The following RASAL2 variants were observed in gnomAD, a reference collection of about 807,000 sequenced individuals.
RASAL2 encodes ras GTPase-activating protein nGAP.
RASAL2 carries 58 observed loss-of-function variants against 128.9 expected under a neutral mutation model. The observed-to-expected ratio is 0.45, with a 90% confidence interval of 0.36 to 0.56. The LOEUF is 0.56. Among genes scored for constraint, RASAL2 ranks in the 20% least tolerant of loss-of-function variants. The probability of loss-of-function intolerance (pLI) is 0.00; values close to 1 mark genes in which losing one functional copy is unlikely to be tolerated. For missense variants in RASAL2, 1,360 were observed against 1,601.6 expected (o/e 0.85, Z 2.57); for synonymous variants, 561 against 580.8 (o/e 0.97, Z 0.49).
intron 3 of RASAL2, among the ~76,000 whole-genome samples, chr1:178,355,845 G>A (rs952724497): frequency 5.3e-5 from 8 of 152,170 alleles, no homozygotes; most frequent in African/African-American, 1.9e-4. Flanking sequence ...TTAAAGAGGT[G>A]CTCAGCCTTA....
chr1:178,212,974 C>G (rs1663306528), intron 1 of RASAL2, among the ~76,000 whole-genome samples: 1 of 152,154 alleles, frequency 6.6e-6, no homozygotes, highest in South Asian at 2.1e-4. Context: ...CAGTCTTTCT[C>G]CAAGATGGTT....
chr1:178,372,867 G>A (rs1339985508), intron 3 of RASAL2, among the ~76,000 whole-genome samples: 2 of 152,074 alleles, frequency 1.3e-5, no homozygotes, highest in Non-Finnish European at 2.9e-5. Flanking sequence ...AAATTTCTAA[G>A]TAAAGCAATT....
intron 5 of RASAL2, among the ~76,000 whole-genome samples, chr1:178,436,378 A>G (rs1676255432): frequency 6.6e-6 from 1 of 152,132 alleles, no homozygotes; most frequent in Admixed American, 6.6e-5. Context: ...AACTAGGAAG[A>G]GTTTGGAGTT....
chr1:178,135,638 A>G (rs1250338614), intron 1 of RASAL2, among the ~76,000 whole-genome samples: 3 of 152,192 alleles, frequency 2.0e-5, no homozygotes, highest in Non-Finnish European at 2.9e-5. Flanking sequence ...AGCATTTTAC[A>G]TATACTATTG....
intron 1 of RASAL2, among the ~76,000 whole-genome samples, chr1:178,129,226 T>C (rs927976982): frequency 1.3e-5 from 2 of 152,126 alleles, no homozygotes; most frequent in African/African-American, 4.8e-5. Context: ...GGCTCTGATT[T>C]CTCCATATCC....
chr1:178,260,721 A>G (rs1051582373), intron 1 of RASAL2, among the ~76,000 whole-genome samples: 6 of 152,064 alleles, frequency 3.9e-5, no homozygotes, highest in African/African-American at 1.2e-4. Context: ...GGATTAACTG[A>G]CATGATTAAT....
chr1:178,100,414 C>T (rs368697695), intron 1 of RASAL2, among the ~76,000 whole-genome samples: 1 of 151,378 alleles, frequency 6.6e-6, no homozygotes, highest in African/African-American at 2.4e-5. Context: ...ATCCCAGCTA[C>T]TCGGGATGCT....
At chr1:178,232,605 A>T (rs1178348130) in intron 1 of RASAL2, among the ~76,000 whole-genome samples, 1 of 152,160 alleles carries the variant, frequency 6.6e-6, no homozygotes, top group East Asian at 1.9e-4. Flanking sequence ...TACACTAAAA[A>T]TGGTGTTGGC....
intron 3 of RASAL2, among the ~76,000 whole-genome samples, chr1:178,380,670 C>T (rs994945246): frequency 3.3e-5 from 5 of 152,046 alleles, no homozygotes; most frequent in African/African-American, 1.2e-4. Context: ...TTTATTCTAT[C>T]TTAATAATCC....
At chr1:178,392,974 A>G (rs1672999877) in intron 4 of RASAL2, among the ~76,000 whole-genome samples, 1 of 152,234 alleles carries the variant, frequency 6.6e-6, no homozygotes, top group Admixed American at 6.5e-5. Flanking sequence ...TTCATGTATA[A>G]TAACATTCAA....
In RASAL2 at chr1:178,458,496, G is replaced by A. The variant is rs151044549; in HGVS notation, c.3204G>A (p.Glu1068=). The A allele has an allele frequency of 2.0e-5, 33 of 1,613,774 alleles. No individual in the cohort carries two copies. In the African/African-American group the frequency reaches 3.3e-4, roughly 16 times the overall value. Residue 1068 remains glutamate, a synonymous_variant, in exon 14 of 18, where the codon GAG becomes GAA. Coordinates refer to ENST00000367649, the MANE Select transcript of RASAL2 (RefSeq NM_170692.4). Reference sequence around the variant, plus strand: ...GGCAGCAGTCCTCTTCCTCCAGAGAGAGCCCTGTTCCCAAAGTTAGAGCAA... The same window carrying A: ...GGCAGCAGTCCTCTTCCTCCAGAGAAAGCCCTGTTCCCAAAGTTAGAGCAA... The part of the protein sequence containing the change: ...RSRQQSSSSR[E]SPVPKVRAIQ...
intron 1 of RASAL2, among the ~76,000 whole-genome samples, chr1:178,258,326 G>T (rs1005723737): frequency 6.8e-6 from 1 of 146,626 alleles, no homozygotes; most frequent in African/African-American, 2.6e-5. Context: ...ACAGTGAAAG[G>T]ACATCCCCAC....
chr1:178,348,031 C>T (rs1670241576), intron 3 of RASAL2, among the ~76,000 whole-genome samples: 1 of 152,152 alleles, frequency 6.6e-6, no homozygotes, highest in Non-Finnish European at 1.5e-5. Context: ...GTATGTTGAG[C>T]ATGAAAAGTC....
intron 1 of RASAL2, among the ~76,000 whole-genome samples, chr1:178,164,030 G>A (rs915945724): frequency 1.3e-5 from 2 of 152,046 alleles, no homozygotes; most frequent in Non-Finnish European, 2.9e-5. Flanking sequence ...TTTAAAAAAG[G>A]GAAAATAATA....
At chr1:178,255,053 A>C (rs942948992) in intron 1 of RASAL2, among the ~76,000 whole-genome samples, 30 of 152,130 alleles carry the variant, frequency 2.0e-4, no homozygotes, top group South Asian at 1.0e-3. Context: ...AAAAAAACCC[A>C]AAAAAACTGT....
intron 1 of RASAL2, among the ~76,000 whole-genome samples, chr1:178,115,485 A>G (rs1025259864): frequency 6.6e-6 from 1 of 152,198 alleles, no homozygotes; most frequent in Non-Finnish European, 1.5e-5. Flanking sequence ...AATAGGAGTT[A>G]ACTAGGTAGT....
chr1:178,472,281 A>G (rs376602512), intron 17 of RASAL2, among the ~76,000 whole-genome samples: 3 of 152,064 alleles, frequency 2.0e-5, no homozygotes, highest in South Asian at 2.1e-4. Flanking sequence ...GTATTCACCA[A>G]TGCTTGGTTT....
At chr1:178,353,655 T>G (rs1670641817) in intron 3 of RASAL2, among the ~76,000 whole-genome samples, 2 of 152,244 alleles carry the variant, frequency 1.3e-5, no homozygotes, top group Admixed American at 1.3e-4. Flanking sequence ...TTTATAGCAG[T>G]GCCCAACTCT....
chr1:178,441,730 T>A, intron 7 of RASAL2, 83 bp downstream of exon 7: 1 of 1,018,022 alleles, frequency 9.8e-7, no homozygotes, highest in Non-Finnish European at 1.5e-6. Context: ...AGTAATACCT[T>A]AATTTGTCTA....
Sources: allele counts gnomAD v4.1 joint callset (sites outside exome capture counted in the v4.1 genomes callset), GRCh38; gene constraint gnomAD v4.1.1; transcripts MANE v1.5; gene names NCBI Gene and HGNC (gene_info 2026-07-23, HGNC 2026-07-21).